Variants in LSAMP observed in about 807,000 individuals in gnomAD.
LSAMP encodes limbic system-associated membrane protein.
In LSAMP, 7 loss-of-function variants were observed where a neutral mutation model predicts 38.6. The ratio of observed to expected loss-of-function variants is 0.18; its 90% CI spans 0.10 to 0.34. The LOEUF (loss-of-function observed/expected upper bound fraction) is 0.34, where lower values mean the gene tolerates loss of function less well. Ranked by LOEUF, LSAMP falls within the 10% of genes least tolerant of loss-of-function variation. The pLI is 1.00. For synonymous variants in LSAMP, 154 were observed against 166.8 expected (o/e 0.92, Z 0.59); for missense variants, 313 against 420.0 (o/e 0.75, Z 2.23).
At chr3:116,117,716 C>T (rs1045196693) in intron 1 of LSAMP, among the ~76,000 whole-genome samples, 1 of 151,898 alleles carries the variant, frequency 6.6e-6, no homozygotes, top group Admixed American at 6.6e-5. Context: ...TGATATTTGT[C>T]TAATTTTTTT....
chr3:116,135,365 G>T (rs1709225108), intron 1 of LSAMP, among the ~76,000 whole-genome samples: 1 of 152,138 alleles, frequency 6.6e-6, no homozygotes, highest in Admixed American at 6.6e-5. Context: ...TCACAACTGT[G>T]CTGTGATGTA....
intron 3 of LSAMP, among the ~76,000 whole-genome samples, chr3:115,899,793 CTTTAAATTGTG>C: frequency 6.6e-6 from 1 of 152,282 alleles, no homozygotes; most frequent in African/African-American, 2.4e-5. Context: ...TCTGGCTCTG[CTTTAAATTGTG>C]CTTACTGTCG....
chr3:116,217,522 T>G (rs1166591227), intron 1 of LSAMP, among the ~76,000 whole-genome samples: 1 of 152,368 alleles, frequency 6.6e-6, no homozygotes, highest in Admixed American at 6.5e-5. Flanking sequence ...TCTGCACAGA[T>G]ATTAAAACAT....
chr3:116,431,082 T>C (rs751459455), intron 1 of LSAMP, among the ~76,000 whole-genome samples: 20 of 152,228 alleles, frequency 1.3e-4, no homozygotes, highest in South Asian at 1.2e-3. Flanking sequence ...TATCCCCTTA[T>C]CTTTGTCTCA....
At chr3:116,279,947 C>CTAA (rs2047107245) in intron 1 of LSAMP, among the ~76,000 whole-genome samples, 2 of 151,998 alleles carry the variant, frequency 1.3e-5, no homozygotes, top group African/African-American at 4.8e-5. Flanking sequence ...AAGTTCAATA[C>CTAA]CAGTTAAGAA....
chr3:116,032,279 A>G (rs9821040), intron 2 of LSAMP, among the ~76,000 whole-genome samples: 21,126 of 152,224 alleles, frequency 0.14, 1,536 homozygotes, highest in Non-Finnish European at 0.16. Context: ...TACAGTTTGC[A>G]AAGCACTGGT....
chr3:115,831,750 A>AAT (rs552713035), intron 6 of LSAMP, among the ~76,000 whole-genome samples: 61 of 152,344 alleles, frequency 4.0e-4, no homozygotes, highest in African/African-American at 1.4e-3. Context: ...CTTCAGAATA[A>AAT]ATAAACCTAA....
chr3:116,168,227 ATTTTTT>A (rs150916317), intron 1 of LSAMP, among the ~76,000 whole-genome samples: 1 of 151,630 alleles, frequency 6.6e-6, no homozygotes, highest in Non-Finnish European at 1.5e-5. Context: ...TATTATTATT[ATTTTTT>A]TTTTACTGAC....
intron 1 of LSAMP, among the ~76,000 whole-genome samples, chr3:116,226,304 T>G (rs934889470): frequency 2.3e-4 from 35 of 152,222 alleles, no homozygotes; most frequent in African/African-American, 8.4e-4. Flanking sequence ...GATTATCTAT[T>G]CCAGGGAGAG....
At chr3:115,991,964 C>G (rs1343847301) in intron 3 of LSAMP, among the ~76,000 whole-genome samples, 1 of 152,006 alleles carries the variant, frequency 6.6e-6, no homozygotes, top group Non-Finnish European at 1.5e-5. Context: ...CATGTTTGCT[C>G]TTGCACATGC....
chr3:116,428,760 A>G (rs2049239064), intron 1 of LSAMP, among the ~76,000 whole-genome samples: 1 of 152,162 alleles, frequency 6.6e-6, no homozygotes, highest in African/African-American at 2.4e-5. Flanking sequence ...GAACTCTGAC[A>G]TATTTAGGAC....
At chr3:116,339,745 C>T (rs2047968568) in intron 1 of LSAMP, among the ~76,000 whole-genome samples, 1 of 152,002 alleles carries the variant, frequency 6.6e-6, no homozygotes, top group Non-Finnish European at 1.5e-5. Flanking sequence ...TCATGCTTCA[C>T]ATGAAGACGT....
chr3:115,862,668 A>G (rs892428322), intron 3 of LSAMP, among the ~76,000 whole-genome samples: 4 of 152,240 alleles, frequency 2.6e-5, no homozygotes, highest in Admixed American at 6.5e-5. Context: ...GAATGTTTCC[A>G]TTCAACATAA....
intron 2 of LSAMP, among the ~76,000 whole-genome samples, chr3:116,078,277 C>CTTTATTTATTTATTTATTTATTTATTTA (rs34346607): frequency 3.3e-5 from 5 of 150,088 alleles, no homozygotes; most frequent in African/African-American, 1.2e-4. Context: ...TTTATATCCT[C>CTTTATTTATTTATTTATTTATTTATTTA]TTTATTTATT....
chr3:116,243,069 C>T (rs1455874596), intron 1 of LSAMP, among the ~76,000 whole-genome samples: 2 of 152,082 alleles, frequency 1.3e-5, no homozygotes, highest in African/African-American at 2.4e-5. Flanking sequence ...TGATTAGTCA[C>T]GGCAGGAAGC....
chr3:116,037,638 ATCT>A (rs1215322169), intron 2 of LSAMP, among the ~76,000 whole-genome samples: 2 of 152,084 alleles, frequency 1.3e-5, no homozygotes, highest in East Asian at 3.9e-4. Context: ...CTTTTATGTA[ATCT>A]TCTTCTCAGA....
At chr3:116,415,225 T>TATTATAATC (rs5852011) in intron 1 of LSAMP, among the ~76,000 whole-genome samples, 4 of 151,418 alleles carry the variant, frequency 2.6e-5, no homozygotes, top group African/African-American at 7.3e-5. Context: ...CAATAGTTAT[T>TATTATAATC]ATTTTACAGA....
chr3:116,336,803 A>G (rs2107747901), intron 1 of LSAMP, among the ~76,000 whole-genome samples: 1 of 152,044 alleles, frequency 6.6e-6, no homozygotes, highest in East Asian at 1.9e-4. Flanking sequence ...TAAACTCAAC[A>G]TAATTGAAAG....
chr3:116,265,723 G>T (rs906193925), intron 1 of LSAMP, among the ~76,000 whole-genome samples: 3 of 152,108 alleles, frequency 2.0e-5, no homozygotes, highest in Non-Finnish European at 4.4e-5. Context: ...TAATCTTTGG[G>T]ACTCAAATAC....
Sources: allele counts gnomAD v4.1 joint callset (sites outside exome capture counted in the v4.1 genomes callset), GRCh38; gene constraint gnomAD v4.1.1; transcripts MANE v1.5; gene names NCBI Gene and HGNC (gene_info 2026-07-23, HGNC 2026-07-21).